SNX3: variants seen among roughly 807,000 people sequenced by gnomAD.
The protein encoded by SNX3 is sorting nexin-3.
Under a neutral mutation model 17.7 loss-of-function variants are expected in SNX3, and 5 were observed. The observed-to-expected ratio is 0.28, with a 90% CI of 0.15 to 0.59. SNX3 has a LOEUF of 0.59. Ranked by LOEUF, SNX3 falls within the 20% of genes least tolerant of loss-of-function variation. The pLI is 0.88. For missense variants in SNX3, 132 were observed against 206.8 expected (o/e 0.64, Z 2.22); for synonymous variants, 91 against 76.5 (o/e 1.19, Z -0.99).
chr6:108,246,965 G>A (rs887775587), intron 1 of SNX3, among the ~76,000 whole-genome samples: 1 of 152,148 alleles, frequency 6.6e-6, no homozygotes, highest in Non-Finnish European at 1.5e-5. Flanking sequence ...GCATGGTCAG[G>A]ATGTGATATG....
chr6:108,244,500 CATAAT>C (rs1775622476), intron 1 of SNX3, among the ~76,000 whole-genome samples: 1 of 152,024 alleles, frequency 6.6e-6, no homozygotes, highest in Admixed American at 6.6e-5. Context: ...GTAAAATATA[CATAAT>C]ATAAAATTAT....
intron 1 of SNX3, among the ~76,000 whole-genome samples, chr6:108,257,070 T>C (rs980721993): frequency 6.6e-6 from 1 of 152,214 alleles, no homozygotes; most frequent in Non-Finnish European, 1.5e-5. Flanking sequence ...CCTGTAAAAC[T>C]GTAAATTTTT....
At chr6:108,253,891 C>T (rs1221686271) in intron 1 of SNX3, among the ~76,000 whole-genome samples, 5 of 151,890 alleles carry the variant, frequency 3.3e-5, no homozygotes, top group Non-Finnish European at 5.9e-5. Flanking sequence ...TTTGGGAGGC[C>T]GAGGTGGGTG....
intron 1 of SNX3, among the ~76,000 whole-genome samples, chr6:108,232,716 A>AAT (rs1423932674): frequency 1.3e-5 from 2 of 152,230 alleles, no homozygotes; most frequent in Admixed American, 1.3e-4. Context: ...AAGAGATGTA[A>AAT]ATGGATGCCC....
At chr6:108,256,068 A>T (rs1776018789) in intron 1 of SNX3, among the ~76,000 whole-genome samples, 1 of 151,934 alleles carries the variant, frequency 6.6e-6, no homozygotes, top group African/African-American at 2.4e-5. Flanking sequence ...CGTCTCTACA[A>T]ATAATTTAAA....
At chr6:108,233,950 T>C (rs967727038) in intron 1 of SNX3, among the ~76,000 whole-genome samples, 2 of 152,162 alleles carry the variant, frequency 1.3e-5, no homozygotes, top group East Asian at 3.8e-4. Context: ...TAAAGAATAT[T>C]GGTTAAGAAG....
Position 108,260,942 on chromosome 6 carries a change from C to T in SNX3, c.-21G>A. On this transcript the variant is annotated 5_prime_UTR_variant, in exon 1 of 4. Coordinates refer to ENST00000230085, the MANE Select transcript of SNX3 (RefSeq NM_003795.6). Reference sequence around the variant, plus strand: ...GCCATTTCGCTGTAGCTGCTGCCGCCGCCGCGGGCTCCCTCCGCCCCCTCC... The same window carrying T: ...GCCATTTCGCTGTAGCTGCTGCCGCTGCCGCGGGCTCCCTCCGCCCCCTCC... The T allele has an allele frequency of 6.5e-7, 1 of 1,546,486 alleles. No individual in the cohort carries two copies. The highest frequency in any genetic ancestry group is 8.7e-7 in the Non-Finnish European group (1 of 1,148,132).
intron 1 of SNX3, among the ~76,000 whole-genome samples, chr6:108,223,642 C>T (rs1774885251): frequency 6.6e-6 from 1 of 151,494 alleles, no homozygotes; most frequent in African/African-American, 2.4e-5. Context: ...GGATTACAGG[C>T]ACTCGCCACC....
intron 3 of SNX3, among the ~76,000 whole-genome samples, 170 bp from the exon 4 acceptor site, chr6:108,212,424 C>T (rs903822678): frequency 3.3e-5 from 5 of 152,006 alleles, no homozygotes; most frequent in Admixed American, 2.0e-4. Flanking sequence ...TGGCAACCTC[C>T]GTCTCCTGGG....
intron 1 of SNX3, among the ~76,000 whole-genome samples, chr6:108,250,193 G>A (rs1366337093): frequency 1.3e-5 from 2 of 152,184 alleles, no homozygotes; most frequent in East Asian, 1.9e-4. Context: ...TTACAGGAGT[G>A]AGCCACCATG....
At chr6:108,230,372 A>G (rs552234430) in intron 1 of SNX3, among the ~76,000 whole-genome samples, 79 of 152,292 alleles carry the variant, frequency 5.2e-4, no homozygotes, top group Middle Eastern at 3.4e-3. Flanking sequence ...CTTAACAGGT[A>G]AAAGTGTTAA....
intron 1 of SNX3, among the ~76,000 whole-genome samples, chr6:108,258,530 G>A (rs1000157333): frequency 6.6e-6 from 1 of 151,796 alleles, no homozygotes; most frequent in African/African-American, 2.4e-5. Context: ...TCTCTCCTGA[G>A]ATAGGGTCTC....
Position 108,214,560 on chromosome 6 carries a change from A to G in SNX3, c.321T>C (p.Asp107=). ...CAATAAAATTGTCATCAAATATTCC[A>G]TCATCTCCTCTAAAAGGAAGCTGAC... ...FLRQLPFRGD[D]GIFDDNFIEE... Residue 107 remains aspartate (D), a synonymous_variant, in exon 3 of 4, where the codon GAT becomes GAC. Transcript: ENST00000230085. 7 of 1,613,700 alleles carry G rather than the reference A, an allele frequency of 4.3e-6. No individual in the cohort carries two copies. Among genetic ancestry groups the G allele is most frequent in the African/African-American group, 1.3e-5 (1 of 75,034 alleles).
rs1460603589 is a variant in SNX3 at position 108,251,760 on chromosome 6, T to C, written c.162+9000A>G. Among the ~76,000 whole-genome samples, 3 of 152,196 alleles carry C rather than the reference T, an allele frequency of 2.0e-5. No individual in the cohort carries two copies. In the East Asian group the frequency reaches 5.8e-4, roughly 29 times the overall value. On this transcript the variant is annotated intron_variant, in intron 1 of 3. Transcript: ENST00000230085. ...TAACACATTCCAAATTCCTAGGTTG[T>C]CAGTTAAATATTTCTTTAAAGAAGT...
intron 1 of SNX3, among the ~76,000 whole-genome samples, chr6:108,249,941 C>T (rs1562439487): frequency 6.6e-6 from 1 of 152,068 alleles, no homozygotes; most frequent in Non-Finnish European, 1.5e-5. Context: ...GACAGGGTTC[C>T]ATTCTGTCAC....
At chr6:108,217,743 C>A (rs1001214075) in intron 2 of SNX3, among the ~76,000 whole-genome samples, 66 of 144,038 alleles carry the variant, frequency 4.6e-4, no homozygotes, top group Admixed American at 9.0e-4. Flanking sequence ...AGCTAGACAC[C>A]GTCTCAAAAA....
chr6:108,238,633 T>C (rs2033194464), intron 1 of SNX3, among the ~76,000 whole-genome samples: 1 of 152,092 alleles, frequency 6.6e-6, no homozygotes, highest in Admixed American at 6.6e-5. Context: ...TTTTAAAAAG[T>C]GTCCAAGTTT....
intron 1 of SNX3, among the ~76,000 whole-genome samples, chr6:108,258,647 C>A (rs909687985): frequency 5.3e-5 from 8 of 151,670 alleles, no homozygotes; most frequent in African/African-American, 1.7e-4. Flanking sequence ...GTAGCTGGGA[C>A]CTCAGGGATG....
chr6:108,250,539 G>T, intron 1 of SNX3, among the ~76,000 whole-genome samples: 1 of 152,152 alleles, frequency 6.6e-6, no homozygotes, highest in East Asian at 1.9e-4. Flanking sequence ...GTAAATTTAA[G>T]ACAAGACCTG....
Sources: gnomAD v4.1 joint callset for allele counts (sites outside exome capture counted in the v4.1 genomes callset) on GRCh38, gnomAD v4.1.1 for gene constraint, MANE v1.5 for transcripts, NCBI Gene and HGNC (gene_info 2026-07-23, HGNC 2026-07-21) for gene names.